The following CC2D2A variants were observed in gnomAD, a reference collection of about 807,000 sequenced individuals.
The protein encoded by CC2D2A is coiled-coil and C2 domain containing 2A, also known as coiled-coil and C2 domain-containing protein 2A.
A neutral mutation model predicts 212.9 loss-of-function variants in CC2D2A; 155 were observed. The ratio of observed to expected loss-of-function variants is 0.73; its 90% CI spans 0.64 to 0.83. CC2D2A has a LOEUF of 0.83. Among genes scored for constraint, CC2D2A ranks in the 40% least tolerant of loss-of-function variants. CC2D2A has a pLI of 0.00. For synonymous variants in CC2D2A, 667 were observed against 686.5 expected (o/e 0.97, Z 0.44); for missense variants, 1,856 against 1,956.2 (o/e 0.95, Z 0.97).
Position 15,533,420 on chromosome 4 carries a change from TACAA to T in CC2D2A, c.1607+93_1607+96del, listed in dbSNP as rs1239024738. ...ACATGGATACAGTTTTAAAAGTAAT[TACAA>T]ACAAATATGCATGTAACCACTTCCC... is the stretch of plus-strand genomic sequence containing the variant. On this transcript the variant is annotated intron_variant, in intron 14 of 36. Transcript: ENST00000424120. 10 of 984,940 alleles carry T rather than the reference TACAA, an allele frequency of 1.0e-5. No homozygotes were observed. The East Asian group carries it at 2.1e-4, about 21-fold the overall frequency. The allele number at this position is 984,940 out of a possible 1,614,324, so 61.0% of individuals were successfully genotyped here.
intron 11 of CC2D2A, among the ~76,000 whole-genome samples, chr4:15,524,669 T>C (rs2109021658): frequency 6.6e-6 from 1 of 151,706 alleles, no homozygotes; most frequent in East Asian, 2.0e-4. Flanking sequence ...GCCAGGATGG[T>C]CTCGATCTCC....
chr4:15,488,220 T>C (rs1283599175), intron 4 of CC2D2A, among the ~76,000 whole-genome samples: 2 of 152,212 alleles, frequency 1.3e-5, no homozygotes, highest in Non-Finnish European at 1.5e-5. Flanking sequence ...GAACTCCCTT[T>C]AGCATTTCTT....
At chr4:15,546,221 C>T (rs1718705134) in intron 17 of CC2D2A, among the ~76,000 whole-genome samples, 1 of 152,070 alleles carries the variant, frequency 6.6e-6, no homozygotes, top group African/African-American at 2.4e-5. Flanking sequence ...GCTTTGGAGG[C>T]CTTTCCAAAA....
chr4:15,528,871 T>A, intron 13 of CC2D2A, 145 bp downstream of exon 13: 1 of 599,318 alleles, frequency 1.7e-6, no homozygotes, highest in Non-Finnish European at 2.9e-6. Context: ...TCTATCATAT[T>A]AACACAGTAT....
chr4:15,511,409 G>T lies in CC2D2A; in HGVS notation c.703G>T (p.Gly235Ter). The change falls in exon 8 of 37, where the codon GGA (glycine) becomes TGA (stop). Residue 235 changes from glycine to a stop codon, truncating the protein, a stop_gained. Transcript: ENST00000424120. LOFTEE classifies it high-confidence loss of function. ...GEEEEPPAQG[G>*]GKEMDEEELL... Reference sequence around the variant, plus strand: ...AGAAGAAGAACCACCTGCACAAGGAGGAGGAAAGGAAATGGTATTTAATAT... The same window carrying T: ...AGAAGAAGAACCACCTGCACAAGGATGAGGAAAGGAAATGGTATTTAATAT... The T allele has an allele frequency of 6.5e-7, 1 of 1,544,190 alleles. No individual in the cohort carries two copies. The highest frequency in any genetic ancestry group is 8.7e-7 in the Non-Finnish European group (1 of 1,154,536).
At position 15,478,784 on chromosome 4, in the gene CC2D2A, G is replaced by A. The variant is rs756008877; in HGVS notation, c.101G>A (p.Arg34Gln). The change falls in exon 3 of 37, where the codon CGA (arginine) becomes CAA (glutamine). Residue 34 changes from arginine (R) to glutamine (Q), a missense_variant. Transcript: ENST00000424120. ...AGACAGAATAAGAACTCAAAGGTTC[G>A]AAGACAGCCAAGAAAGAAACAGGTA... The part of the protein sequence containing the change: ...MGRQNKNSKV[R>Q]RQPRKKQPPT... 8.4e-6 allele frequency: 13 copies of A among 1,554,114 alleles called. No individual in the cohort carries two copies. The highest frequency in any genetic ancestry group is 1.7e-4 in the Middle Eastern group (1 of 6,020).
intron 16 of CC2D2A, 86 bp downstream of exon 16, chr4:15,538,223 G>C: frequency 1.5e-6 from 2 of 1,370,332 alleles, no homozygotes; most frequent in East Asian, 5.0e-5. Context: ...GCACGACATG[G>C]GGAGTGTACA....
chr4:15,474,538 GGAC>G, intron 1 of CC2D2A, among the ~76,000 whole-genome samples: 1 of 151,878 alleles, frequency 6.6e-6, no homozygotes, highest in African/African-American at 2.4e-5. Flanking sequence ...CACAATGAAA[GGAC>G]TATAGTTAAT....
In CC2D2A at chr4:15,563,528, A is replaced by G; in HGVS notation, c.3182+6A>G. 6.2e-7 allele frequency: 1 copy of G among 1,610,478 alleles called. No homozygotes were observed. Reference sequence around the variant, plus strand: ...GTGAGGAAGCCGGCAGTGAGGTGAGAGCCCTCCCAACAGCCCGAGATGCAG... The same window carrying G: ...GTGAGGAAGCCGGCAGTGAGGTGAGGGCCCTCCCAACAGCCCGAGATGCAG... On this transcript the variant is annotated splice_donor_region_variant and intron_variant, in intron 24 of 36. Coordinates refer to ENST00000424120, the MANE Select transcript of CC2D2A (RefSeq NM_001378615.1).
At chr4:15,523,435 A>C (rs1717325424) in intron 11 of CC2D2A, among the ~76,000 whole-genome samples, 1 of 152,118 alleles carries the variant, frequency 6.6e-6, no homozygotes, top group African/African-American at 2.4e-5. Context: ...TCATGATTCC[A>C]AGCTCCCGCA....
In CC2D2A at chr4:15,596,923, T is replaced by C. The variant is rs1157165745; in HGVS notation, c.4438-484T>C. On this transcript the variant is annotated intron_variant, in intron 34 of 36. Transcript: ENST00000424120. ...AGTAAGCCCTCTAAAAATATGTTTG[T>C]TGCTGCCACTAAATATAAAGTTAAG... Among the ~76,000 whole-genome samples the C allele has an allele frequency of 2.0e-5, 3 of 152,220 alleles. No individual in the cohort carries two copies. In the East Asian group the frequency reaches 5.8e-4, roughly 29 times the overall value.
chr4:15,500,107 G>GTGTATATA (rs1479141284), intron 4 of CC2D2A, among the ~76,000 whole-genome samples: 8 of 112,932 alleles, frequency 7.1e-5, no homozygotes, highest in African/African-American at 1.5e-4. Context: ...GTGTGTGTGT[G>GTGTATATA]TATATATATA....
At chr4:15,576,397 C>G (rs1577389836) in intron 29 of CC2D2A, 1 of 983,908 alleles carries the variant, frequency 1.0e-6, no homozygotes, top group East Asian at 1.1e-4. Flanking sequence ...AGTCTCTCCT[C>G]TACCACCATG....
chr4:15,502,544 T>C, intron 5 of CC2D2A, 27 bp downstream of exon 5: 2 of 1,564,130 alleles, frequency 1.3e-6, no homozygotes, highest in South Asian at 1.2e-5. Flanking sequence ...GAATATTCTG[T>C]TCAGTGCTGA....
intron 6 of CC2D2A, 27 bp from the exon 7 acceptor site, chr4:15,510,112 A>T: frequency 6.5e-7 from 1 of 1,548,734 alleles, no homozygotes; most frequent in Non-Finnish European, 8.9e-7. Flanking sequence ...TAAATGGTTT[A>T]TCTATCATTT....
chr4:15,528,002 G>C (rs187262427), intron 12 of CC2D2A, among the ~76,000 whole-genome samples: 2 of 152,278 alleles, frequency 1.3e-5, no homozygotes, highest in East Asian at 3.9e-4. Context: ...TCTGTCCTTA[G>C]AAACATTCTC....
chr4:15,562,594 C>T lies in CC2D2A; in HGVS notation c.3015-761C>T, dbSNP rs140364175. ...TCCACCTTAATCACTGGCATCAACC[C>T]AATAGTTACCATTTTAGGACATCTA... is the stretch of plus-strand genomic sequence containing the variant. On this transcript the variant is annotated intron_variant, in intron 23 of 36. Coordinates refer to ENST00000424120, the MANE Select transcript of CC2D2A (RefSeq NM_001378615.1). 4.7e-3 allele frequency among the ~76,000 whole-genome samples: 709 copies of T among 152,304 alleles called. 3 individuals carry two copies. The highest frequency in any genetic ancestry group is 0.016 in the African/African-American group (660 of 41,558).
chr4:15,579,921 C>G, intron 29 of CC2D2A, 47 bp from the exon 30 acceptor site: 1 of 1,474,056 alleles, frequency 6.8e-7, no homozygotes, highest in Non-Finnish European at 9.5e-7. Flanking sequence ...CACGTACTTT[C>G]TCTCTTGTAA....
chr4:15,527,148 G>C (rs976103708), intron 11 of CC2D2A, among the ~76,000 whole-genome samples: 2 of 152,134 alleles, frequency 1.3e-5, no homozygotes, highest in Non-Finnish European at 2.9e-5. Flanking sequence ...CAAGAAACAA[G>C]GTAGTCTGCA....
Sources: gnomAD v4.1 joint callset for allele counts (sites outside exome capture counted in the v4.1 genomes callset) on GRCh38, gnomAD v4.1.1 for gene constraint, MANE v1.5 for transcripts, NCBI Gene and HGNC (gene_info 2026-07-23, HGNC 2026-07-21) for gene names.